The following BRINP3 variants were observed in gnomAD, a reference collection of about 807,000 sequenced individuals.
BRINP3 encodes BMP/retinoic acid-inducible neural-specific protein 3.
Under a neutral mutation model 71.0 loss-of-function variants are expected in BRINP3, and 19 were observed. The observed-to-expected ratio is 0.27, with a 90% CI of 0.19 to 0.39. The LOEUF is 0.39. Among genes scored for constraint, BRINP3 ranks in the 10% least tolerant of loss-of-function variants. BRINP3 has a pLI of 1.00. For missense variants in BRINP3, 959 were observed against 940.8 expected (o/e 1.02, Z -0.25); for synonymous variants, 380 against 337.7 (o/e 1.13, Z -1.37).
intron 7 of BRINP3, among the ~76,000 whole-genome samples, chr1:190,129,841 A>T (rs1440383322): frequency 2.0e-5 from 3 of 152,002 alleles, no homozygotes; most frequent in African/African-American, 7.2e-5. Flanking sequence ...ATCATGATAA[A>T]TATATCGATA....
Position 190,099,220 on chromosome 1 carries a change from T to C in BRINP3, c.1185-86A>G, listed in dbSNP as rs1651475012. 3 of 1,335,148 alleles carry C rather than the reference T, an allele frequency of 2.2e-6. No homozygotes were observed. In the African/African-American group the frequency reaches 4.5e-5, roughly 20 times the overall value. The allele number at this position is 1,335,148 out of a possible 1,614,324, so 82.7% of individuals were successfully genotyped here. Reference sequence around the variant, plus strand: ...AACCGTAGCTCAGAAATCTTTGCTATCATTTCTTCAGGTCATCTCCAGCCA... The same window carrying C: ...AACCGTAGCTCAGAAATCTTTGCTACCATTTCTTCAGGTCATCTCCAGCCA... On this transcript the variant is annotated intron_variant, in intron 7 of 7. Coordinates refer to ENST00000367462, the MANE Select transcript of BRINP3 (RefSeq NM_199051.3).
chr1:190,239,179 G>T, intron 4 of BRINP3, among the ~76,000 whole-genome samples: 1 of 152,044 alleles, frequency 6.6e-6, no homozygotes, highest in Non-Finnish European at 1.5e-5. Flanking sequence ...TCATCATGTG[G>T]GGATTACATT....
chr1:190,263,440 A>T (rs1474288456), intron 4 of BRINP3, among the ~76,000 whole-genome samples: 2 of 152,098 alleles, frequency 1.3e-5, no homozygotes, highest in African/African-American at 4.8e-5. Context: ...GGATTTTGTC[A>T]TATTGTTTAA....
chr1:190,327,326 CAAAAAAAAAAA>C (rs1227478693), intron 2 of BRINP3, among the ~76,000 whole-genome samples: 25 of 44,242 alleles, frequency 5.7e-4, no homozygotes, highest in Middle Eastern at 0.021. Flanking sequence ...AAAAAAAGAA[CAAAAAAAAAAA>C]AAAAAAAAAA....
chr1:190,314,953 T>C (rs1327612915), intron 2 of BRINP3, among the ~76,000 whole-genome samples: 1 of 152,132 alleles, frequency 6.6e-6, no homozygotes, highest in Admixed American at 6.6e-5. Flanking sequence ...GTCAGGTTGA[T>C]GGACTTTATC....
At chr1:190,416,118 C>T (rs187165622) in intron 2 of BRINP3, among the ~76,000 whole-genome samples, 101 of 152,142 alleles carry the variant, frequency 6.6e-4, no homozygotes, top group African/African-American at 2.3e-3. Flanking sequence ...GTGATGATTA[C>T]CTTAATACAC....
At chr1:190,268,164 A>G (rs1339927510) in intron 3 of BRINP3, among the ~76,000 whole-genome samples, 4 of 152,190 alleles carry the variant, frequency 2.6e-5, no homozygotes, top group Non-Finnish European at 4.4e-5. Flanking sequence ...ACACATCCAG[A>G]AACAAAAACG....
At chr1:190,338,259 A>T (rs1435946282) in intron 2 of BRINP3, among the ~76,000 whole-genome samples, 1 of 152,112 alleles carries the variant, frequency 6.6e-6, no homozygotes, top group Non-Finnish European at 1.5e-5. Context: ...CAGACTATCT[A>T]AGCCTAGCTC....
At chr1:190,409,346 G>C (rs947067343) in intron 2 of BRINP3, among the ~76,000 whole-genome samples, 6 of 152,050 alleles carry the variant, frequency 3.9e-5, no homozygotes. Context: ...ATGCCTGTAG[G>C]TTAAAAAATA....
Position 190,234,016 on chromosome 1 carries a change from T to C in BRINP3, c.724+356A>G, listed in dbSNP as rs185881295. Among the ~76,000 whole-genome samples the C allele has an allele frequency of 5.6e-3, 846 of 152,242 alleles. 2 individuals carry two copies. Among genetic ancestry groups the C allele is most frequent in the Non-Finnish European group, 8.2e-3 (560 of 67,998 alleles). The stretch of plus-strand genomic sequence containing the variant: ...GTTCATTTTATACCATGCATAAATA[T>C]GGTTACAACTTTCACAAGAATCTTT... On this transcript the variant is annotated intron_variant, in intron 5 of 7. Coordinates refer to ENST00000367462, the MANE Select transcript of BRINP3 (RefSeq NM_199051.3).
intron 6 of BRINP3, among the ~76,000 whole-genome samples, chr1:190,214,497 T>C (rs1175260088): frequency 6.6e-6 from 1 of 152,028 alleles, no homozygotes; most frequent in African/African-American, 2.4e-5. Flanking sequence ...CATTGGAACT[T>C]CTCACATATT....
intron 4 of BRINP3, among the ~76,000 whole-genome samples, chr1:190,260,682 A>G (rs145410222): frequency 6.6e-6 from 1 of 152,194 alleles, no homozygotes; most frequent in Non-Finnish European, 1.5e-5. Flanking sequence ...AATTTCATAA[A>G]TAGCTTTAAA....
chr1:190,256,765 T>C (rs1209288555), intron 4 of BRINP3, among the ~76,000 whole-genome samples: 1 of 152,226 alleles, frequency 6.6e-6, no homozygotes, highest in South Asian at 2.1e-4. Context: ...GAGCTGGATA[T>C]GAAATTTTGG....
chr1:190,098,036 C>T lies in BRINP3; in HGVS notation c.2283G>A (p.Thr761=). The T allele has an allele frequency of 6.2e-7, 1 of 1,605,984 alleles. No homozygotes were observed. The highest frequency in any genetic ancestry group is 1.1e-5 in the South Asian group (1 of 89,938). The stretch of plus-strand genomic sequence containing the variant: ...TTTATGGTTAACTACATAATTTGGT[C>T]GTGTCATAATCCATTGTGTTTGGCA... The part of the protein sequence containing the change: ...AKLPNTMDYD[T]TKLCS The change falls in exon 8 of 8, where the codon ACG becomes ACA. Residue 761 remains threonine, a synonymous_variant. Coordinates refer to ENST00000367462, the MANE Select transcript of BRINP3 (RefSeq NM_199051.3).
chr1:190,173,549 T>C (rs747837406), intron 6 of BRINP3, among the ~76,000 whole-genome samples: 2 of 152,134 alleles, frequency 1.3e-5, no homozygotes, highest in African/African-American at 2.4e-5. Context: ...ATAGTTGTCA[T>C]TGAAAATGAG....
rs547861444 is a variant in BRINP3, at chr1:190,268,159, T to C, written c.428-3104A>G. ...TAATATAATTCAGCATATTAACACA[T>C]CCAGAAACAAAAACGCTGCTATCCT... On this transcript the variant is annotated intron_variant, in intron 3 of 7. Coordinates refer to ENST00000367462, the MANE Select transcript of BRINP3 (RefSeq NM_199051.3). Among the ~76,000 whole-genome samples, 16 of 152,208 alleles carry C rather than the reference T, an allele frequency of 1.1e-4. No individual in the cohort carries two copies. In the South Asian group the frequency reaches 3.1e-3, roughly 30 times the overall value.
chr1:190,308,583 G>A (rs1188275027), intron 2 of BRINP3, among the ~76,000 whole-genome samples: 1 of 151,672 alleles, frequency 6.6e-6, no homozygotes, highest in Non-Finnish European at 1.5e-5. Flanking sequence ...CATAGCACAT[G>A]TATACATATG....
chr1:190,169,977 T>G lies in BRINP3; in HGVS notation c.962-9087A>C, dbSNP rs2102492586. ...CCCTAAGCAAGTTTCAGCAAGCTGT[T>G]CAAAGTGACACAGTTATTAATTAAA... On this transcript the variant is annotated intron_variant, in intron 6 of 7. Transcript: ENST00000367462. Among the ~76,000 whole-genome samples the G allele has an allele frequency of 1.3e-5, 2 of 152,206 alleles. 1 individual carries two copies. The highest frequency in any genetic ancestry group is 1.3e-4 in the Admixed American group (2 of 15,262).
At chr1:190,430,349 T>C (rs1674012588) in intron 2 of BRINP3, among the ~76,000 whole-genome samples, 1 of 152,158 alleles carries the variant, frequency 6.6e-6, no homozygotes, top group Non-Finnish European at 1.5e-5. Flanking sequence ...TACAGTTTAT[T>C]ACTTATTCTT....
Sources: gnomAD v4.1 joint callset for allele counts (sites outside exome capture counted in the v4.1 genomes callset) on GRCh38, gnomAD v4.1.1 for gene constraint, MANE v1.5 for transcripts, NCBI Gene and HGNC (gene_info 2026-07-23, HGNC 2026-07-21) for gene names.